Variants in SLMAP observed in about 807,000 individuals in gnomAD.
SLMAP encodes sarcolemmal membrane-associated protein.
In SLMAP, 44 loss-of-function variants were observed where a neutral mutation model predicts 128.8. The ratio of observed to expected loss-of-function variants is 0.34; its 90% CI spans 0.27 to 0.44. The LOEUF is 0.44. Ranked by LOEUF, SLMAP falls within the 20% of genes least tolerant of loss-of-function variation. The pLI is 1.00. For synonymous variants in SLMAP, 327 were observed against 348.8 expected (o/e 0.94, Z 0.70); for missense variants, 787 against 985.3 (o/e 0.80, Z 2.69).
intron 2 of SLMAP, among the ~76,000 whole-genome samples, chr3:57,795,850 A>G (rs557302957): frequency 1.6e-4 from 24 of 152,028 alleles, no homozygotes; most frequent in South Asian, 4.2e-4. Flanking sequence ...CCCAGCCTCT[A>G]GTAACCTCTA....
intron 2 of SLMAP, among the ~76,000 whole-genome samples, chr3:57,782,891 A>G (rs2083350253): frequency 6.6e-6 from 1 of 152,046 alleles, no homozygotes. Context: ...CTGCCTTTCC[A>G]TGTTCTGCCA....
chr3:57,771,418 A>G (rs2080873296), intron 2 of SLMAP, among the ~76,000 whole-genome samples: 1 of 152,078 alleles, frequency 6.6e-6, no homozygotes, highest in African/African-American at 2.4e-5. Flanking sequence ...TTTTATAGAG[A>G]TGGAATCTCG....
At chr3:57,861,864 CT>C in intron 9 of SLMAP, 84 bp from the exon 10 acceptor site, 2 of 1,198,098 alleles carry the variant, frequency 1.7e-6, no homozygotes, top group Non-Finnish European at 2.4e-6. Context: ...TAGAATTATA[CT>C]TTTTATAAAT....
intron 2 of SLMAP, among the ~76,000 whole-genome samples, chr3:57,761,512 C>G (rs2078632751): frequency 6.6e-6 from 1 of 151,740 alleles, no homozygotes; most frequent in Non-Finnish European, 1.5e-5. Context: ...CCAGGCTGGT[C>G]TCAAACTCCT....
Position 57,864,818 on chromosome 3 carries a change from C to T in SLMAP, c.1147C>T (p.His383Tyr), listed in dbSNP as rs2095249121. Residue 383 changes from histidine (H) to tyrosine (Y), a missense_variant, in exon 12 of 25, where the codon CAT becomes TAT. Coordinates refer to ENST00000671191, the MANE Select transcript of SLMAP (RefSeq NM_001377540.1). ...RLTALQVRLE[H>Y]LQEKTLKECS... ...ACTTTTATTTACAGTACGGTTAGAA[C>T]ATCTTCAGGAGAAAACTCTTAAAGA... 6.3e-7 allele frequency: 1 copy of T among 1,589,406 alleles called. No homozygotes were observed. Among genetic ancestry groups the T allele is most frequent in the Non-Finnish European group, 8.6e-7 (1 of 1,169,308 alleles).
At chr3:57,797,039 G>A (rs907056562) in intron 2 of SLMAP, among the ~76,000 whole-genome samples, 15 of 151,580 alleles carry the variant, frequency 9.9e-5, no homozygotes, top group Admixed American at 6.6e-5. Flanking sequence ...TAAATTAGTC[G>A]AGCATGGTGG....
intron 13 of SLMAP, among the ~76,000 whole-genome samples, chr3:57,869,393 G>C (rs1165309658): frequency 6.6e-6 from 1 of 150,734 alleles, no homozygotes; most frequent in East Asian, 1.9e-4. Flanking sequence ...GACACACCCA[G>C]GATTAATACT....
intron 2 of SLMAP, among the ~76,000 whole-genome samples, chr3:57,772,406 A>G (rs1417678724): frequency 6.6e-6 from 1 of 152,238 alleles, no homozygotes; most frequent in East Asian, 1.9e-4. Flanking sequence ...AGAATCGTTG[A>G]AAGGCTGGGA....
At chr3:57,791,126 C>T (rs943243195) in intron 2 of SLMAP, among the ~76,000 whole-genome samples, 3 of 152,026 alleles carry the variant, frequency 2.0e-5, no homozygotes, top group Non-Finnish European at 2.9e-5. Flanking sequence ...GAGACTGAGG[C>T]GGGCAGATCA....
chr3:57,797,275 G>C (rs1439841074), intron 2 of SLMAP, among the ~76,000 whole-genome samples: 1 of 151,464 alleles, frequency 6.6e-6, no homozygotes, highest in Admixed American at 6.6e-5. Context: ...ACCTGAGGTC[G>C]GGAGTTTGAG....
At chr3:57,812,905 T>A (rs968262687) in intron 2 of SLMAP, among the ~76,000 whole-genome samples, 1 of 152,086 alleles carries the variant, frequency 6.6e-6, no homozygotes, top group African/African-American at 2.4e-5. Flanking sequence ...TTTTTATAAT[T>A]TCCTTTTTGG....
At chr3:57,769,440 G>A (rs1183115553) in intron 2 of SLMAP, among the ~76,000 whole-genome samples, 2 of 151,982 alleles carry the variant, frequency 1.3e-5, no homozygotes, top group Admixed American at 6.6e-5. Context: ...TGATCCGCCC[G>A]CCTTGGCCTC....
At chr3:57,789,923 G>A (rs1048441966) in intron 2 of SLMAP, among the ~76,000 whole-genome samples, 35 of 152,026 alleles carry the variant, frequency 2.3e-4, no homozygotes, top group African/African-American at 8.2e-4. Context: ...TGCAACCTCC[G>A]CCTCCTGGGT....
intron 15 of SLMAP, among the ~76,000 whole-genome samples, chr3:57,895,284 T>C (rs2096210106): frequency 6.6e-6 from 1 of 152,156 alleles, no homozygotes; most frequent in Non-Finnish European, 1.5e-5. Context: ...GATGGCTTCA[T>C]TGGACCAGGC....
At chr3:57,797,503 C>T (rs922988908) in intron 2 of SLMAP, among the ~76,000 whole-genome samples, 6 of 150,262 alleles carry the variant, frequency 4.0e-5, no homozygotes, top group Admixed American at 2.0e-4. Context: ...AAAAAAAGTA[C>T]GAGGCAGGAG....
At chr3:57,766,519 C>G (rs976822075) in intron 2 of SLMAP, among the ~76,000 whole-genome samples, 1 of 152,156 alleles carries the variant, frequency 6.6e-6, no homozygotes, top group African/African-American at 2.4e-5. Context: ...AGTTTACAGT[C>G]CAGACTCTTT....
At chr3:57,837,526 G>C (rs145551861) in intron 3 of SLMAP, among the ~76,000 whole-genome samples, 1,577 of 152,128 alleles carry the variant, frequency 0.01, 13 homozygotes, top group Non-Finnish European at 0.019. Context: ...CCACCACCAC[G>C]TCCGGCTAAT....
intron 2 of SLMAP, among the ~76,000 whole-genome samples, chr3:57,816,076 C>T (rs983618576): frequency 2.6e-5 from 4 of 152,156 alleles, no homozygotes; most frequent in East Asian, 1.9e-4. Context: ...GTAGGTTGCT[C>T]ATGGTCACAC....
intron 3 of SLMAP, among the ~76,000 whole-genome samples, chr3:57,838,842 G>A (rs760987924): frequency 5.9e-5 from 9 of 152,278 alleles, no homozygotes; most frequent in African/African-American, 2.2e-4. Context: ...GATATCCTTC[G>A]TAGCAGGATA....
Sources: allele counts gnomAD v4.1 joint callset (sites outside exome capture counted in the v4.1 genomes callset), GRCh38; gene constraint gnomAD v4.1.1; transcripts MANE v1.5; gene names NCBI Gene and HGNC (gene_info 2026-07-23, HGNC 2026-07-21).